The following CATSPERE variants were observed in gnomAD, a reference collection of about 807,000 sequenced individuals.
CATSPERE encodes the protein cation channel sperm-associated auxiliary subunit epsilon.
CATSPERE carries 93 observed loss-of-function variants against 114.1 expected under a neutral mutation model. The observed-to-expected ratio is 0.81, with a 90% CI of 0.69 to 0.97. CATSPERE has a LOEUF of 0.97. Ranked by LOEUF, CATSPERE falls within the 50% of genes least tolerant of loss-of-function variation. The pLI is 0.00. For synonymous variants in CATSPERE, 341 were observed against 384.1 expected (o/e 0.89, Z 1.31); for missense variants, 1,058 against 1,131.6 (o/e 0.93, Z 0.93).
rs868803919 is a variant in CATSPERE at position 244,640,029 on chromosome 1, G to A, written c.2804G>A (p.Arg935Gln). Residue 935 changes from arginine (R) to glutamine (Q), a missense_variant, in exon 22 of 22, where the codon CGA (arginine) becomes CAA (glutamine). By Grantham distance (43) the Arg-to-Gln change is conservative (BLOSUM62 1). Coordinates refer to ENST00000366534, the MANE Select transcript of CATSPERE (RefSeq NM_001130957.2). Reference sequence around the variant, plus strand: ...TTTCGGTACATGAGGATTTATAGACGATATATTTATGAACCACTTCACAAA... The same window carrying A: ...TTTCGGTACATGAGGATTTATAGACAATATATTTATGAACCACTTCACAAA... ...SYFRYMRIYRRYIYEPLHKPQ... is the reference protein window; with the variant it reads ...SYFRYMRIYRQYIYEPLHKPQ... The A allele has an allele frequency of 1.0e-5, 16 of 1,550,186 alleles. No individual in the cohort carries two copies. Among genetic ancestry groups the A allele is most frequent in the Middle Eastern group, 1.7e-4 (1 of 6,014 alleles).
chr1:244,475,947 TTTTTTAAA>T (rs1669280698), intron 2 of CATSPERE, among the ~76,000 whole-genome samples: 1 of 152,236 alleles, frequency 6.6e-6, no homozygotes, highest in Non-Finnish European at 1.5e-5. Flanking sequence ...GTTTGTTTGT[TTTTTTAAA>T]GACTCCAAAT....
Position 244,477,738 on chromosome 1 carries a change from G to C in CATSPERE, c.188+124G>C, listed in dbSNP as rs959259273. 1.1e-4 allele frequency: 109 copies of C among 951,790 alleles called. 1 individual carries two copies. In the Admixed American group the frequency reaches 2.6e-3, roughly 22 times the overall value. The allele number at this position is 951,790 out of a possible 1,614,324, so 59.0% of individuals were successfully genotyped here. On this transcript the variant is annotated intron_variant, in intron 3 of 21. Coordinates refer to ENST00000366534, the MANE Select transcript of CATSPERE (RefSeq NM_001130957.2). ...TTCTTTCATTAAGTAGATGTGAAAAGCAAGACAAAATCAGGTCGAATATAG... is the reference window on the plus strand; with the variant it reads ...TTCTTTCATTAAGTAGATGTGAAAACCAAGACAAAATCAGGTCGAATATAG...
Position 244,477,524 on chromosome 1 carries a change from CTT to C in CATSPERE, c.115-16_115-15del, listed in dbSNP as rs753596418. On this transcript the variant is annotated splice_polypyrimidine_tract_variant and intron_variant, in intron 2 of 21. Transcript: ENST00000366534. ...TTGAATGATATTTTTTGTTCGAACT[CTT>C]GTTTTCTTTTTTAGATTAAGTTAGA... 2 of 1,471,592 alleles carry C rather than the reference CTT, an allele frequency of 1.4e-6. No individual in the cohort carries two copies. The highest frequency in any genetic ancestry group is 1.9e-6 in the Non-Finnish European group (2 of 1,061,022). 91.2% of individuals were successfully genotyped at this position (1,471,592 alleles called of 1,614,324 possible).
chr1:244,637,743 G>A (rs1358330226), intron 21 of CATSPERE, among the ~76,000 whole-genome samples: 3 of 152,144 alleles, frequency 2.0e-5, no homozygotes, highest in Non-Finnish European at 1.5e-5. Context: ...GACTACACCT[G>A]AGCAGCATTC....
chr1:244,586,760 T>C (rs1374925606), intron 13 of CATSPERE, among the ~76,000 whole-genome samples: 2 of 152,126 alleles, frequency 1.3e-5, no homozygotes, highest in Non-Finnish European at 2.9e-5. Context: ...TCCAACAACA[T>C]GCATAAGGCA....
chr1:244,640,089 GA>G lies in CATSPERE; in HGVS notation c.*11del, dbSNP rs1220624435. ...AAACGTAAGAAGAATTAGGAAAACT[GA>G]AAGTTTGTTTATTACAGATATATGC... On this transcript the variant is annotated 3_prime_UTR_variant, in exon 22 of 22. Transcript: ENST00000366534. 6 of 1,541,882 alleles carry G rather than the reference GA, an allele frequency of 3.9e-6. No homozygotes were observed. The highest frequency in any genetic ancestry group is 3.5e-6 in the Non-Finnish European group (4 of 1,139,666).
chr1:244,522,486 GA>G (rs1326442854), intron 8 of CATSPERE, among the ~76,000 whole-genome samples: 2 of 152,032 alleles, frequency 1.3e-5, no homozygotes, highest in Non-Finnish European at 2.9e-5. Context: ...ACTAAAATCA[GA>G]GCAGAACTGA....
chr1:244,587,114 C>G (rs1040365939), intron 13 of CATSPERE, among the ~76,000 whole-genome samples: 1 of 152,188 alleles, frequency 6.6e-6, no homozygotes, highest in African/African-American at 2.4e-5. Flanking sequence ...TTCCTAATAA[C>G]TGAGATTTAA....
intron 7 of CATSPERE, among the ~76,000 whole-genome samples, chr1:244,510,087 C>G (rs1387787317): frequency 6.6e-6 from 1 of 151,822 alleles, no homozygotes; most frequent in Non-Finnish European, 1.5e-5. Context: ...CTGCTCTGAT[C>G]TTTATTCTTT....
At chr1:244,477,676 G>T in intron 3 of CATSPERE, 62 bp downstream of exon 3, 2 of 1,129,730 alleles carry the variant, frequency 1.8e-6, no homozygotes, top group South Asian at 2.7e-5. Context: ...CATATAATGT[G>T]AACATTGAGA....
At chr1:244,605,190 A>G (rs994017055) in intron 17 of CATSPERE, among the ~76,000 whole-genome samples, 1 of 152,168 alleles carries the variant, frequency 6.6e-6, no homozygotes, top group South Asian at 2.1e-4. Context: ...TCTCTAGTAC[A>G]TCTAGTACAT....
intron 10 of CATSPERE, among the ~76,000 whole-genome samples, chr1:244,571,166 C>T (rs1038357120): frequency 2.0e-5 from 3 of 152,210 alleles, no homozygotes; most frequent in Non-Finnish European, 4.4e-5. Flanking sequence ...TTCTCCCCTT[C>T]CACCTTGTGA....
chr1:244,456,448 T>A (rs1209030387), upstream of CATSPERE, among the ~76,000 whole-genome samples: 1 of 152,098 alleles, frequency 6.6e-6, no homozygotes, highest in Non-Finnish European at 1.5e-5. Context: ...GAGCTCTGAT[T>A]AATTGCCTTA....
chr1:244,526,764 C>T (rs1463183855), intron 8 of CATSPERE, among the ~76,000 whole-genome samples: 3 of 151,854 alleles, frequency 2.0e-5, no homozygotes, highest in African/African-American at 4.8e-5. Context: ...AACCTGCCCC[C>T]GCTAGTCACA....
Position 244,464,692 on chromosome 1 carries a change from A to G in CATSPERE, c.114+736A>G, listed in dbSNP as rs377158865. Among the ~76,000 whole-genome samples, 46 of 151,724 alleles carry G rather than the reference A, an allele frequency of 3.0e-4. No homozygotes were observed. The East Asian group carries it at 8.5e-3, about 28-fold the overall frequency. On this transcript the variant is annotated intron_variant, in intron 2 of 21. Coordinates refer to ENST00000366534, the MANE Select transcript of CATSPERE (RefSeq NM_001130957.2). ...TAAATTTCCTATTTTTTTTTTACCAATCTCATTATTATCCAGTGATAGCTA... is the reference window on the plus strand; with the variant it reads ...TAAATTTCCTATTTTTTTTTTACCAGTCTCATTATTATCCAGTGATAGCTA...
Position 244,503,418 on chromosome 1 carries a change from A to G in CATSPERE, c.429+4339A>G, listed in dbSNP as rs908906495. On this transcript the variant is annotated intron_variant, in intron 7 of 21. Transcript: ENST00000366534. ...CTTTCCTCTGGGATTCCAAATAAAC[A>G]TGTTCTTATTCTATCTCCTGAAATT... 3.3e-5 allele frequency among the ~76,000 whole-genome samples: 5 copies of G among 152,114 alleles called. No individual in the cohort carries two copies. The South Asian group carries it at 1.0e-3, about 31-fold the overall frequency.
upstream of CATSPERE, among the ~76,000 whole-genome samples, chr1:244,452,544 G>T (rs1467085497): frequency 2.0e-5 from 3 of 152,186 alleles, no homozygotes; most frequent in Non-Finnish European, 2.9e-5. Context: ...GAAATCAATA[G>T]ATCAAATAAA....
At chr1:244,566,485 T>C (rs974724935) in intron 10 of CATSPERE, among the ~76,000 whole-genome samples, 2 of 152,076 alleles carry the variant, frequency 1.3e-5, no homozygotes, top group African/African-American at 4.8e-5. Flanking sequence ...CTCTAAGAAC[T>C]TGCTTTATGA....
At chr1:244,621,552 G>A (rs189824983) in intron 20 of CATSPERE, among the ~76,000 whole-genome samples, 179 of 151,444 alleles carry the variant, frequency 1.2e-3, no homozygotes, top group African/African-American at 4.0e-3. Context: ...ATCCCGAAAG[G>A]AAAAGCGCCA....
Sources: allele counts gnomAD v4.1 joint callset (sites outside exome capture counted in the v4.1 genomes callset), GRCh38; gene constraint gnomAD v4.1.1; transcripts MANE v1.5; gene names NCBI Gene and HGNC (gene_info 2026-07-23, HGNC 2026-07-21).